The following SEMA5B variants were observed in gnomAD, a reference collection of about 807,000 sequenced individuals.
SEMA5B encodes the protein semaphorin-5B.
In SEMA5B, 66 loss-of-function variants were observed where a neutral mutation model predicts 135.0. The ratio of observed to expected loss-of-function variants is 0.49; its 90% CI spans 0.40 to 0.60. The LOEUF is 0.60. SEMA5B is among the 20% of genes least tolerant of loss of function. The pLI is 0.00. For synonymous variants in SEMA5B, 690 were observed against 639.5 expected, an observed-to-expected ratio of 1.08 and a Z score of -1.19; for missense variants, 1,501 against 1,566.3, an observed-to-expected ratio of 0.96 and a Z score of 0.70.
chr3:122,969,460 C>T (rs553121454), intron 1 of SEMA5B, among the ~76,000 whole-genome samples: 1 of 152,350 alleles, frequency 6.6e-6, no homozygotes, highest in East Asian at 1.9e-4. Context: ...AGCTTCCTCC[C>T]TGCGTCCTAT....
intron 2 of SEMA5B, 152 bp from the exon 3 acceptor site, chr3:122,948,861 C>T (rs116511162): frequency 6.5e-6 from 4 of 619,280 alleles, no homozygotes; most frequent in South Asian, 2.7e-5. Context: ...CTAGTAAATG[C>T]GAAGATATAG....
At chr3:123,014,860 CT>C (rs1418915223) in intron 1 of SEMA5B, among the ~76,000 whole-genome samples, 1 of 152,208 alleles carries the variant, frequency 6.6e-6, no homozygotes, top group Non-Finnish European at 1.5e-5. Context: ...TTTTAACCCC[CT>C]GTATGTCAGA....
At chr3:122,996,377 G>A (rs1942023484) in intron 1 of SEMA5B, among the ~76,000 whole-genome samples, 1 of 152,242 alleles carries the variant, frequency 6.6e-6, no homozygotes, top group African/African-American at 2.4e-5. Context: ...ACACTGGGCT[G>A]CCTTTCATAC....
At chr3:122,970,561 C>G (rs1010074877) in intron 1 of SEMA5B, among the ~76,000 whole-genome samples, 3 of 152,220 alleles carry the variant, frequency 2.0e-5, no homozygotes, top group African/African-American at 7.2e-5. Context: ...TTAGTATTTG[C>G]AAGCCTCTTT....
At chr3:123,006,879 C>T (rs565162184) in intron 1 of SEMA5B, among the ~76,000 whole-genome samples, 1 of 152,196 alleles carries the variant, frequency 6.6e-6, no homozygotes, top group Non-Finnish European at 1.5e-5. Context: ...AAAAGGGCAG[C>T]TGCTTTGCAC....
chr3:122,999,036 A>C (rs1942100104), intron 1 of SEMA5B, among the ~76,000 whole-genome samples: 1 of 152,168 alleles, frequency 6.6e-6, no homozygotes, highest in Admixed American at 6.5e-5. Flanking sequence ...CACAACAGCT[A>C]GTGATGGAGT....
intron 9 of SEMA5B, 44 bp downstream of exon 9, chr3:122,926,348 C>A (rs760263543): frequency 1.3e-6 from 2 of 1,570,236 alleles, no homozygotes; most frequent in Admixed American, 1.7e-5. Context: ...GCCAGGCCAG[C>A]TCCTGACATC....
chr3:122,959,684 T>G (rs992344309), intron 2 of SEMA5B, among the ~76,000 whole-genome samples: 8 of 152,300 alleles, frequency 5.3e-5, no homozygotes, highest in Admixed American at 2.6e-4. Flanking sequence ...ATGGACCAAA[T>G]GCATGCACAG....
At chr3:122,953,197 G>A (rs557412322) in intron 2 of SEMA5B, among the ~76,000 whole-genome samples, 2 of 151,986 alleles carry the variant, frequency 1.3e-5, no homozygotes, top group African/African-American at 4.8e-5. Context: ...CAGGACAATT[G>A]CCCTCCTCTC....
chr3:123,028,310 G>A (rs1942857241), upstream of SEMA5B: 1 of 152,616 alleles, frequency 6.6e-6, no homozygotes. Context: ...GCGGCAGAGA[G>A]GGAGGCTAGG....
intron 2 of SEMA5B, among the ~76,000 whole-genome samples, chr3:122,956,445 G>A (rs538170156): frequency 7.9e-5 from 12 of 152,344 alleles, no homozygotes; most frequent in African/African-American, 2.6e-4. Flanking sequence ...TGTAACAGGG[G>A]GAGTGAGTGA....
rs1387947508 is a variant in SEMA5B, at chr3:122,915,357, C to T, written c.1988+83G>A. On this transcript the variant is annotated intron_variant, in intron 14 of 22. Transcript: ENST00000357599. ...AGTGGTTTCTGTCCCTTAGTGCAAA[C>T]ACCCAAGTGAGGGGTCCCCGTTTCC... 7.9e-6 allele frequency: 11 copies of T among 1,383,834 alleles called. No individual in the cohort carries two copies. The African/African-American group carries it at 1.1e-4, about 14-fold the overall frequency. 85.7% of individuals were successfully genotyped at this position (1,383,834 alleles called of 1,614,324 possible).
At chr3:122,945,366 GT>G (rs1240645237) in intron 3 of SEMA5B, among the ~76,000 whole-genome samples, 1 of 152,124 alleles carries the variant, frequency 6.6e-6, no homozygotes, top group African/African-American at 2.4e-5. Flanking sequence ...GGTGGGTTAG[GT>G]TTTTAGCTGA....
intron 9 of SEMA5B, among the ~76,000 whole-genome samples, chr3:122,925,910 A>C (rs912257229): frequency 7.2e-5 from 11 of 152,098 alleles, no homozygotes; most frequent in African/African-American, 2.7e-4. Context: ...CCTCACACCT[A>C]GGAAGCAAAA....
At chr3:122,965,517 C>T (rs1488319387) in intron 1 of SEMA5B, among the ~76,000 whole-genome samples, 1 of 152,194 alleles carries the variant, frequency 6.6e-6, no homozygotes, top group Non-Finnish European at 1.5e-5. Context: ...CTATAGCAGC[C>T]CTGTTTTAAC....
chr3:122,911,347 C>G, intron 21 of SEMA5B, 144 bp downstream of exon 21: 2 of 1,542,680 alleles, frequency 1.3e-6, no homozygotes, highest in Non-Finnish European at 1.7e-6. Context: ...ACTGCCCAGA[C>G]CACCCTACAC....
intron 4 of SEMA5B, among the ~76,000 whole-genome samples, chr3:122,940,650 G>T (rs1461210997): frequency 6.6e-6 from 1 of 152,240 alleles, no homozygotes; most frequent in Non-Finnish European, 1.5e-5. Flanking sequence ...CCTGCTGAAG[G>T]AATCCAGAGC....
intron 1 of SEMA5B, among the ~76,000 whole-genome samples, chr3:122,989,891 G>T (rs1206237432): frequency 6.6e-6 from 1 of 152,200 alleles, no homozygotes; most frequent in Non-Finnish European, 1.5e-5. Flanking sequence ...TGCGTAGTTA[G>T]GCAGAGACCA....
chr3:122,913,065 C>T lies in SEMA5B; in HGVS notation c.2507-4G>A. The T allele has an allele frequency of 1.3e-6, 2 of 1,500,192 alleles. No homozygotes were observed. Among genetic ancestry groups the T allele is most frequent in the Non-Finnish European group, 1.8e-6 (2 of 1,126,724 alleles). 92.9% of individuals were successfully genotyped at this position (1,500,192 alleles called of 1,614,324 possible). On this transcript the variant is annotated splice_region_variant and splice_polypyrimidine_tract_variant and intron_variant, in intron 17 of 22. Coordinates refer to ENST00000357599, the MANE Select transcript of SEMA5B (RefSeq NM_001031702.4). ...CGCAGGAGGACCTCCACCAGGGCTG[C>T]GGAGGGGCTAGGCCTCAGCGACTGG...
Sources: gnomAD v4.1 joint callset for allele counts (sites outside exome capture counted in the v4.1 genomes callset) on GRCh38, gnomAD v4.1.1 for gene constraint, MANE v1.5 for transcripts, NCBI Gene and HGNC (gene_info 2026-07-23, HGNC 2026-07-21) for gene names.